The following STRN3 variants were observed in gnomAD, a reference collection of about 807,000 sequenced individuals.
STRN3 encodes striatin 3, also known as striatin-3.
In STRN3, 29 loss-of-function variants were observed where a neutral mutation model predicts 95.6. The observed-to-expected ratio is 0.30, with a 90% CI of 0.23 to 0.41. The LOEUF (loss-of-function observed/expected upper bound fraction) is 0.41. Among genes scored for constraint, STRN3 ranks in the 10% least tolerant of loss-of-function variants. STRN3 has a pLI of 1.00. For missense variants in STRN3, 890 were observed against 972.1 expected (o/e 0.92, Z 1.12); for synonymous variants, 331 against 357.6 (o/e 0.93, Z 0.84).
intron 1 of STRN3, among the ~76,000 whole-genome samples, chr14:31,020,457 C>T (rs1441359434): frequency 6.6e-6 from 1 of 151,696 alleles, no homozygotes; most frequent in African/African-American, 2.4e-5. Context: ...TGAGATAGCA[C>T]CACTGTACTC....
intron 7 of STRN3, among the ~76,000 whole-genome samples, chr14:30,930,931 CA>C (rs1196255807): frequency 6.6e-6 from 1 of 151,146 alleles, no homozygotes; most frequent in Non-Finnish European, 1.5e-5. Context: ...TCACAGAGAC[CA>C]AAAAAACCCT....
At chr14:30,957,088 G>A (rs1219052578) in intron 1 of STRN3, among the ~76,000 whole-genome samples, 1 of 152,166 alleles carries the variant, frequency 6.6e-6, no homozygotes, top group Non-Finnish European at 1.5e-5. Context: ...AACCTGGGAG[G>A]CGGAAGCTGC....
intron 5 of STRN3, among the ~76,000 whole-genome samples, chr14:30,941,667 C>T (rs1270285352): frequency 2.6e-5 from 4 of 152,082 alleles, no homozygotes; most frequent in African/African-American, 7.2e-5. Context: ...CCTTTGTCAC[C>T]CAGGCTGGAG....
chr14:30,918,499 A>G, intron 9 of STRN3, among the ~76,000 whole-genome samples: 1 of 142,694 alleles, frequency 7.0e-6, no homozygotes. Context: ...ACAGAGTGAG[A>G]CTCTGTCTCA....
At chr14:30,928,486 G>A (rs1356543969) in intron 8 of STRN3, among the ~76,000 whole-genome samples, 2 of 152,194 alleles carry the variant, frequency 1.3e-5, no homozygotes, top group Non-Finnish European at 2.9e-5. Flanking sequence ...ATATTTTTAT[G>A]TGGCAACTTT....
intron 1 of STRN3, among the ~76,000 whole-genome samples, chr14:30,983,493 C>T (rs1172338248): frequency 1.3e-5 from 2 of 152,142 alleles, no homozygotes; most frequent in African/African-American, 2.4e-5. Context: ...TGCAGTGAGC[C>T]GAGATCGTGC....
At chr14:31,009,280 C>T (rs1300745727) in intron 1 of STRN3, among the ~76,000 whole-genome samples, 1 of 152,082 alleles carries the variant, frequency 6.6e-6, no homozygotes, top group Non-Finnish European at 1.5e-5. Context: ...AGTTGTATAT[C>T]AGGGTTTCCC....
intron 1 of STRN3, among the ~76,000 whole-genome samples, chr14:30,992,545 G>T (rs974303709): frequency 7.5e-6 from 1 of 133,652 alleles, no homozygotes; most frequent in Admixed American, 8.3e-5. Flanking sequence ...GAGCGCCACA[G>T]TGCCCGGCCC....
At chr14:30,953,866 G>C (rs1879773408) in intron 3 of STRN3, among the ~76,000 whole-genome samples, 1 of 152,160 alleles carries the variant, frequency 6.6e-6, no homozygotes, top group Non-Finnish European at 1.5e-5. Context: ...CTGGGATCAA[G>C]TGATCCAACG....
At chr14:31,017,023 C>T (rs1230403868) in intron 1 of STRN3, among the ~76,000 whole-genome samples, 2 of 151,964 alleles carry the variant, frequency 1.3e-5, no homozygotes, top group Non-Finnish European at 2.9e-5. Context: ...GGTGTGGTGG[C>T]GGGTGCCTGT....
chr14:30,985,675 A>C (rs1468832678), intron 1 of STRN3, among the ~76,000 whole-genome samples: 2 of 151,468 alleles, frequency 1.3e-5, no homozygotes, highest in Non-Finnish European at 2.9e-5. Context: ...ATATACCATT[A>C]AGAAGAAACT....
intron 1 of STRN3, among the ~76,000 whole-genome samples, chr14:30,961,367 A>G (rs1232808318): frequency 6.6e-6 from 1 of 152,214 alleles, no homozygotes; most frequent in Admixed American, 6.5e-5. Context: ...GCCACATGAC[A>G]TTTCAGTCAA....
At chr14:30,929,964 A>AAC (rs1414123559) in intron 7 of STRN3, among the ~76,000 whole-genome samples, 1 of 147,320 alleles carries the variant, frequency 6.8e-6, no homozygotes, top group African/African-American at 2.5e-5. Flanking sequence ...CAAAAAAAAA[A>AAC]AAAAAAAAAA....
At chr14:30,907,150 A>C in intron 13 of STRN3, 106 bp from the exon 14 acceptor site, 2 of 1,278,324 alleles carry the variant, frequency 1.6e-6, no homozygotes, top group Non-Finnish European at 2.1e-6. Context: ...AACACACATA[A>C]AGGCCACAAG....
At chr14:30,944,553 GTA>G (rs58426505) in intron 5 of STRN3, among the ~76,000 whole-genome samples, 9,061 of 65,796 alleles carry the variant, frequency 0.14, 608 homozygotes, top group African/African-American at 0.29. Flanking sequence ...ATATATACAC[GTA>G]TATATATATA....
intron 10 of STRN3, among the ~76,000 whole-genome samples, chr14:30,913,155 A>C (rs1896652422): frequency 6.6e-6 from 1 of 152,206 alleles, no homozygotes; most frequent in Non-Finnish European, 1.5e-5. Context: ...ATAAAAGTTC[A>C]AAAATAAAAC....
intron 8 of STRN3, among the ~76,000 whole-genome samples, chr14:30,922,056 T>TA (rs908538912): frequency 1.7e-4 from 25 of 151,506 alleles, no homozygotes; most frequent in African/African-American, 5.6e-4. Context: ...TTGGCTAATT[T>TA]AAAAAAAAAT....
chr14:30,949,733 C>A (rs1055097927), intron 4 of STRN3, among the ~76,000 whole-genome samples: 1 of 151,770 alleles, frequency 6.6e-6, no homozygotes, highest in African/African-American at 2.4e-5. Flanking sequence ...GGAATTGCCA[C>A]CTGACAGCCT....
At chr14:30,950,080 C>G (rs1027960755) in intron 4 of STRN3, among the ~76,000 whole-genome samples, 15 of 151,638 alleles carry the variant, frequency 9.9e-5, no homozygotes, top group Admixed American at 9.2e-4. Flanking sequence ...ATTATGGAGT[C>G]TAAGCTAGAG....
Sources: gnomAD v4.1 joint callset for allele counts (sites outside exome capture counted in the v4.1 genomes callset) on GRCh38, gnomAD v4.1.1 for gene constraint, MANE v1.5 for transcripts, NCBI Gene and HGNC (gene_info 2026-07-23, HGNC 2026-07-21) for gene names.